C10orf67: variants seen among roughly 807,000 people sequenced by gnomAD.
The protein encoded by C10orf67 is uncharacterized protein C10orf67, mitochondrial.
Under a neutral mutation model 35.6 loss-of-function variants are expected in C10orf67, and 60 were observed. The ratio of observed to expected loss-of-function variants is 1.68; its 90% CI spans 1.37 to 2.09. The LOEUF (loss-of-function observed/expected upper bound fraction) is 2.09, where lower values mean the gene tolerates loss of function less well. Ranked by LOEUF, C10orf67 falls within the 30% of genes most tolerant of loss-of-function variation. The pLI is 0.00. For synonymous variants in C10orf67, 167 were observed against 115.8 expected (o/e 1.44, Z -2.84); for missense variants, 474 against 330.2 (o/e 1.44, Z -3.38).
chr10:23,210,932 A>G (rs1310871563), intron 15 of C10orf67, among the ~76,000 whole-genome samples: 2 of 152,208 alleles, frequency 1.3e-5, no homozygotes, highest in Non-Finnish European at 2.9e-5. Context: ...AAGTCTTAAT[A>G]CAAACTGAAA....
chr10:23,252,916 G>A (rs767596802), intron 10 of C10orf67, among the ~76,000 whole-genome samples: 1 of 151,482 alleles, frequency 6.6e-6, no homozygotes, highest in Non-Finnish European at 1.5e-5. Context: ...GAGAGACCTG[G>A]TGGGAGATGA....
At chr10:23,313,603 A>G (rs537024567) in intron 4 of C10orf67, among the ~76,000 whole-genome samples, 1 of 152,336 alleles carries the variant, frequency 6.6e-6, no homozygotes, top group Admixed American at 6.5e-5. Flanking sequence ...GGTAAATGTG[A>G]TACAATTCAC....
chr10:23,325,681 T>A (rs11013392), intron 2 of C10orf67, among the ~76,000 whole-genome samples: 9 of 145,022 alleles, frequency 6.2e-5, no homozygotes, highest in African/African-American at 7.5e-5. Context: ...ATTATATATA[T>A]AAAAAAAAAA....
In C10orf67 at chr10:23,265,757, C is replaced by G. The variant is rs574585610; in HGVS notation, c.1200+505G>C. On this transcript the variant is annotated intron_variant, in intron 10 of 15. Coordinates refer to ENST00000636213, the MANE Select transcript of C10orf67 (RefSeq NM_001371909.1). ...CACCTCTTTATGTAGACCAAGGCTG[C>G]CACCCTAGCTCCTGCAGAAACAGTT... Among the ~76,000 whole-genome samples, 4 of 152,272 alleles carry G rather than the reference C, an allele frequency of 2.6e-5. No homozygotes were observed. In the East Asian group the frequency reaches 7.7e-4, roughly 29 times the overall value.
In C10orf67 at chr10:23,266,344, T is replaced by C. The variant is rs1842883339; in HGVS notation, c.1118A>G (p.His373Arg). ...AGATGATACACTCATGGTCGCAGAATGTGGCCTCAAAGCTGTGGTGCTGGG... is the reference window on the plus strand; with the variant it reads ...AGATGATACACTCATGGTCGCAGAACGTGGCCTCAAAGCTGTGGTGCTGGG... ...SPPSTTALRP[H>R]SATMSVSSAG... The change falls in exon 10 of 16, where the codon CAT becomes CGT. Residue 373 changes from histidine to arginine, a missense_variant. His to Arg is a conservative substitution (Grantham distance 29). Transcript: ENST00000636213. 1 of 398,636 alleles carries C rather than the reference T, an allele frequency of 2.5e-6. No individual in the cohort carries two copies. The highest frequency in any genetic ancestry group is 4.4e-6 in the Non-Finnish European group (1 of 226,088). The allele number at this position is 398,636 out of a possible 1,614,324, so 24.7% of individuals were successfully genotyped here. A position where few individuals can be genotyped will look rare whatever the true frequency, so the allele number is the denominator to read the frequency against.
At chr10:23,211,071 G>C (rs1841293858) in intron 15 of C10orf67, among the ~76,000 whole-genome samples, 1 of 152,154 alleles carries the variant, frequency 6.6e-6, no homozygotes, top group African/African-American at 2.4e-5. Context: ...CAAACTGGGG[G>C]CTGAAACCAA....
chr10:23,301,685 G>A (rs1167303698), intron 5 of C10orf67, among the ~76,000 whole-genome samples: 1 of 152,058 alleles, frequency 6.6e-6, no homozygotes, highest in Admixed American at 6.5e-5. Context: ...GGGCCATGCG[G>A]TGGTGGTGGG....
chr10:23,218,662 G>T (rs932251041), intron 15 of C10orf67, among the ~76,000 whole-genome samples: 2 of 152,120 alleles, frequency 1.3e-5, no homozygotes, highest in Non-Finnish European at 2.9e-5. Context: ...TAATGGAAAA[G>T]TTGGTGGCAG....
chr10:23,221,812 A>T (rs1025409090), intron 15 of C10orf67, among the ~76,000 whole-genome samples: 2 of 152,190 alleles, frequency 1.3e-5, no homozygotes, highest in Middle Eastern at 3.2e-3. Context: ...AAAAATAGGA[A>T]ATTTATTTCT....
chr10:23,306,653 C>T (rs543733146), intron 4 of C10orf67, among the ~76,000 whole-genome samples: 7 of 151,692 alleles, frequency 4.6e-5, no homozygotes, highest in Admixed American at 1.3e-4. Context: ...GGCAATCTAA[C>T]GTACAGTATG....
chr10:23,315,692 C>G (rs766216476), intron 4 of C10orf67, among the ~76,000 whole-genome samples: 1 of 152,152 alleles, frequency 6.6e-6, no homozygotes, highest in African/African-American at 2.4e-5. Flanking sequence ...CTGCCTGCCT[C>G]GGCCCCCCAC....
intron 12 of C10orf67, among the ~76,000 whole-genome samples, chr10:23,245,759 T>C (rs1842301345): frequency 1.3e-5 from 2 of 152,232 alleles, no homozygotes; most frequent in Admixed American, 1.3e-4. Context: ...TTGATGGGAA[T>C]GTAAATAGTT....
intron 10 of C10orf67, among the ~76,000 whole-genome samples, chr10:23,264,048 T>C (rs1424864730): frequency 3.9e-5 from 6 of 152,238 alleles, no homozygotes; most frequent in African/African-American, 1.4e-4. Context: ...AAATGACTGA[T>C]GTACAAAGTT....
chr10:23,293,530 T>A (rs970523764), intron 5 of C10orf67, among the ~76,000 whole-genome samples: 1 of 152,130 alleles, frequency 6.6e-6, no homozygotes, highest in Admixed American at 6.5e-5. Flanking sequence ...AGGAGACTTT[T>A]AAAAAATAAA....
intron 12 of C10orf67, among the ~76,000 whole-genome samples, chr10:23,243,438 C>G (rs974424881): frequency 6.6e-6 from 1 of 151,632 alleles, no homozygotes; most frequent in African/African-American, 2.4e-5. Context: ...AATCCCAGCA[C>G]GTTGGGAGGC....
At chr10:23,306,305 C>G (rs543424267) in intron 4 of C10orf67, among the ~76,000 whole-genome samples, 1 of 152,184 alleles carries the variant, frequency 6.6e-6, no homozygotes, top group Admixed American at 6.5e-5. Flanking sequence ...GCGGGCAAAT[C>G]ATCAGGTCAG....
At chr10:23,266,121 G>T (rs1842876502) in intron 10 of C10orf67, 141 bp downstream of exon 10, 1 of 392,338 alleles carries the variant, frequency 2.5e-6, no homozygotes, top group East Asian at 3.6e-5. Flanking sequence ...TGTTGGTTTA[G>T]AAATAGGCAG....
At chr10:23,284,576 A>G (rs966889332) in intron 7 of C10orf67, among the ~76,000 whole-genome samples, 1 of 152,122 alleles carries the variant, frequency 6.6e-6, no homozygotes, top group South Asian at 2.1e-4. Flanking sequence ...CTGTAGTCCA[A>G]CCTACTCAGG....
At chr10:23,221,218 A>AGGAGC (rs2132102834) in intron 15 of C10orf67, among the ~76,000 whole-genome samples, 1 of 152,240 alleles carries the variant, frequency 6.6e-6, no homozygotes, top group Admixed American at 6.5e-5. Flanking sequence ...CTTACAATGG[A>AGGAGC]GGAGCAGGAG....
Sources: allele counts gnomAD v4.1 joint callset (sites outside exome capture counted in the v4.1 genomes callset), GRCh38; gene constraint gnomAD v4.1.1; transcripts MANE v1.5; gene names NCBI Gene and HGNC (gene_info 2026-07-23, HGNC 2026-07-21).